Variants in OGDH observed in about 807,000 individuals in gnomAD.
OGDH encodes 2-oxoglutarate dehydrogenase complex component E1.
OGDH carries 38 observed loss-of-function variants against 116.6 expected under a neutral mutation model. The ratio of observed to expected loss-of-function variants is 0.33; its 90% CI spans 0.25 to 0.43. OGDH has a LOEUF of 0.43. Ranked by LOEUF, OGDH falls within the 20% of genes least tolerant of loss-of-function variation. The pLI is 1.00. For missense variants in OGDH, 825 were observed against 1,357.2 expected, an observed-to-expected ratio of 0.61 and a Z score of 6.16; for synonymous variants, 488 against 533.3, an observed-to-expected ratio of 0.92 and a Z score of 1.17.
chr7:44,615,809 C>CT (rs1160796757), intron 1 of OGDH, among the ~76,000 whole-genome samples: 1 of 152,100 alleles, frequency 6.6e-6, no homozygotes, highest in Non-Finnish European at 1.5e-5. Flanking sequence ...GAGTCTGACA[C>CT]TTGAGGTCAG....
chr7:44,616,086 G>A, intron 1 of OGDH, among the ~76,000 whole-genome samples: 1 of 151,680 alleles, frequency 6.6e-6, no homozygotes, highest in East Asian at 1.9e-4. Context: ...TTCCTAGCCA[G>A]TCTGCTTCCT....
In OGDH at chr7:44,697,191, TCTGTCCCTC is replaced by T; in HGVS notation, c.2051+128_2051+136del. The T allele has an allele frequency of 6.8e-7, 1 of 1,470,096 alleles. No individual in the cohort carries two copies. The highest frequency in any genetic ancestry group is 9.2e-7 in the Non-Finnish European group (1 of 1,082,086). The allele number at this position is 1,470,096 out of a possible 1,614,324, so 91.1% of individuals were successfully genotyped here. On this transcript the variant is annotated intron_variant, in intron 15 of 22. Transcript: ENST00000222673. The surrounding 1 kb of genome is among the most constrained non-coding windows in gnomAD (Gnocchi z 6.0). ...TCACATTGCTCTCAGGCTGAAAACC[TCTGTCCCTC>T]ATTTGCTATGGGTGCTTCTGTTAAG...
At chr7:44,630,751 A>G (rs993769862) in intron 2 of OGDH, among the ~76,000 whole-genome samples, 2 of 152,190 alleles carry the variant, frequency 1.3e-5, no homozygotes, top group African/African-American at 4.8e-5. Context: ...GTTATACTTC[A>G]TTGTTTGTGG....
chr7:44,673,661 T>C, intron 5 of OGDH, 126 bp from the exon 6 acceptor site: 1 of 897,334 alleles, frequency 1.1e-6, no homozygotes, highest in Non-Finnish European at 1.8e-6. Context: ...TCACACTTGA[T>C]TGGAGTACAT....
chr7:44,680,971 C>T (rs778307848), intron 9 of OGDH, among the ~76,000 whole-genome samples: 6 of 152,166 alleles, frequency 3.9e-5, no homozygotes, highest in Non-Finnish European at 7.3e-5. Flanking sequence ...CATACTAACA[C>T]GAGTAAATAA....
intron 2 of OGDH, among the ~76,000 whole-genome samples, chr7:44,629,299 C>CT (rs1245316412): frequency 6.6e-6 from 1 of 152,178 alleles, no homozygotes; most frequent in Admixed American, 6.5e-5. Context: ...TCTGGCCCTG[C>CT]TGAGGAAGAG....
intron 5 of OGDH, among the ~76,000 whole-genome samples, chr7:44,670,912 G>A (rs967490741): frequency 6.0e-5 from 9 of 150,394 alleles, no homozygotes; most frequent in Admixed American, 5.3e-4. Context: ...TCGGGAGGCT[G>A]AGCCAGGAGA....
chr7:44,633,983 A>G (rs970005763), intron 2 of OGDH, among the ~76,000 whole-genome samples: 2 of 152,220 alleles, frequency 1.3e-5, no homozygotes, highest in Non-Finnish European at 1.5e-5. Flanking sequence ...TCTGGTTTCC[A>G]TGAATGTTTG....
At chr7:44,609,177 C>T (rs1017210391) in intron 1 of OGDH, among the ~76,000 whole-genome samples, 1 of 151,962 alleles carries the variant, frequency 6.6e-6, no homozygotes, top group Non-Finnish European at 1.5e-5. Context: ...GCTTAATTCC[C>T]TGGAGAATCA....
At chr7:44,662,359 C>T (rs117575718) in intron 4 of OGDH, among the ~76,000 whole-genome samples, 1,588 of 152,214 alleles carry the variant, frequency 0.01, 24 homozygotes, top group Non-Finnish European at 0.015. Flanking sequence ...TTCATTCCTA[C>T]AGGACATTTT....
chr7:44,664,006 A>G (rs1428769704), intron 4 of OGDH, among the ~76,000 whole-genome samples: 1 of 152,024 alleles, frequency 6.6e-6, no homozygotes, highest in Non-Finnish European at 1.5e-5. Flanking sequence ...ATTCTAACAT[A>G]TTGGTCATCA....
chr7:44,692,341 AG>A (rs1788400010), intron 10 of OGDH, among the ~76,000 whole-genome samples: 5 of 152,256 alleles, frequency 3.3e-5, no homozygotes, highest in Admixed American at 3.3e-4. Context: ...GACTAAAGGA[AG>A]TATAGCTACA....
intron 4 of OGDH, among the ~76,000 whole-genome samples, chr7:44,666,120 G>A (rs1371257618): frequency 3.9e-5 from 6 of 152,170 alleles, no homozygotes; most frequent in Non-Finnish European, 7.3e-5. Flanking sequence ...AGGAGAAGAC[G>A]ATGGTCCTTA....
chr7:44,700,394 C>T, intron 19 of OGDH, 125 bp downstream of exon 19: 4 of 1,244,470 alleles, frequency 3.2e-6, no homozygotes, highest in Non-Finnish European at 4.5e-6. Context: ...GTAGTGTGGA[C>T]AGGACATGGT....
chr7:44,621,129 A>G (rs978235083), intron 1 of OGDH, among the ~76,000 whole-genome samples: 1 of 152,108 alleles, frequency 6.6e-6, no homozygotes, highest in Non-Finnish European at 1.5e-5. Context: ...GCTGGAGTGG[A>G]GTGGCACGAT....
chr7:44,614,842 T>TC (rs1784708874), intron 1 of OGDH, among the ~76,000 whole-genome samples: 2 of 147,118 alleles, frequency 1.4e-5, no homozygotes, highest in Non-Finnish European at 3.0e-5. Flanking sequence ...TTCTTTTTTT[T>TC]TTTTTTTTTT....
intron 10 of OGDH, among the ~76,000 whole-genome samples, chr7:44,685,730 C>A (rs1368711987): frequency 6.6e-6 from 1 of 151,972 alleles, no homozygotes; most frequent in African/African-American, 2.4e-5. Context: ...GCAGTCCCCC[C>A]ACCTCAGCTT....
rs189353161 is a variant in OGDH at position 44,615,297 on chromosome 7, G to T, written c.-28+8644G>T. Among the ~76,000 whole-genome samples, 1,196 of 152,228 alleles carry T rather than the reference G, an allele frequency of 7.9e-3. 3 individuals carry two copies. The highest frequency in any genetic ancestry group is 0.014 in the Non-Finnish European group (921 of 68,006). Reference sequence around the variant, plus strand: ...CCTCACTGTTGCTGGTGCGGTGTCTGGGGGGAGGGATTCCTTGTTATTGCT... The same window carrying T: ...CCTCACTGTTGCTGGTGCGGTGTCTTGGGGGAGGGATTCCTTGTTATTGCT... On this transcript the variant is annotated intron_variant, in intron 1 of 22. Transcript: ENST00000222673.
chr7:44,625,507 T>C (rs761817814), intron 2 of OGDH, among the ~76,000 whole-genome samples: 1 of 152,200 alleles, frequency 6.6e-6, no homozygotes, highest in African/African-American at 2.4e-5. Context: ...TCCTTGATTT[T>C]CAGGGAAAGC....
Sources: gnomAD v4.1 joint callset for allele counts (sites outside exome capture counted in the v4.1 genomes callset) on GRCh38, gnomAD v4.1.1 for gene constraint, Gnocchi (gnomAD v3.1) non-coding constraint, MANE v1.5 for transcripts, NCBI Gene and HGNC (gene_info 2026-07-23, HGNC 2026-07-21) for gene names.